Variants in CIITA observed in about 807,000 individuals in gnomAD.
CIITA encodes class II major histocompatibility complex transactivator, also known as MHC class II transactivator.
In CIITA, 72 loss-of-function variants were observed where a neutral mutation model predicts 115.1. That is an observed-to-expected ratio of 0.63 (90% confidence interval 0.52 to 0.76). CIITA has a LOEUF of 0.76. Ranked by LOEUF, CIITA falls within the 30% of genes least tolerant of loss-of-function variation. The pLI is 0.00. For missense variants in CIITA, 1,617 were observed against 1,463.8 expected (o/e 1.10, Z -1.71); for synonymous variants, 763 against 635.6 (o/e 1.20, Z -3.02).
chr16:10,907,339 C>A lies in CIITA; in HGVS notation c.1847C>A (p.Ala616Glu), dbSNP rs867155488. Residue 616 changes from alanine to glutamate, a missense_variant, in exon 11 of 20, where the codon GCA (alanine) becomes GAA (glutamate). By Grantham distance (107) the Ala-to-Glu change is moderately radical (BLOSUM62 -1). Transcript: ENST00000324288. The surrounding 1 kb of genome is among the most constrained non-coding windows in gnomAD (Gnocchi z 5.0). ...SHSHSPTLCR[A>E]VCQLSEALLE... ...AGCCACAGCCCTACTTTGTGCCGGGCAGTGTGCCAGCTCTCAGAGGCCCTG... is the reference window on the plus strand; with the variant it reads ...AGCCACAGCCCTACTTTGTGCCGGGAAGTGTGCCAGCTCTCAGAGGCCCTG... 2 of 1,613,572 alleles carry A rather than the reference C, an allele frequency of 1.2e-6. No individual in the cohort carries two copies. The highest frequency in any genetic ancestry group is 2.7e-5 in the African/African-American group (2 of 75,046).
At chr16:10,872,211 C>T (rs1336789815), upstream of CIITA, among the ~76,000 whole-genome samples, 3 of 152,024 alleles carry the variant, frequency 2.0e-5, no homozygotes, top group African/African-American at 7.3e-5. Context: ...TAACCTCTGC[C>T]TCCCAGATTC....
intron 1 of CIITA, among the ~76,000 whole-genome samples, chr16:10,878,323 C>G: frequency 6.6e-6 from 1 of 152,196 alleles, no homozygotes; most frequent in East Asian, 1.9e-4. Flanking sequence ...TCAGAGGTAA[C>G]CTTGCCCCCT....
At chr16:10,916,287 G>A in intron 14 of CIITA, 80 bp from the exon 15 acceptor site, 1 of 1,346,624 alleles carries the variant, frequency 7.4e-7, no homozygotes, top group South Asian at 1.2e-5. Flanking sequence ...TGCCAGGGCT[G>A]AGGAGGCCCT....
rs376000444 is a variant in CIITA at position 10,906,878 on chromosome 16, C to A, written c.1386C>A (p.Ala462=). The A allele has an allele frequency of 6.2e-7, 1 of 1,613,368 alleles. No individual in the cohort carries two copies. The highest frequency in any genetic ancestry group is 1.3e-5 in the African/African-American group (1 of 74,916). The change falls in exon 11 of 20, where the codon GCC becomes GCA. Residue 462 remains alanine (A), a synonymous_variant. Coordinates refer to ENST00000324288, the MANE Select transcript of CIITA (RefSeq NM_000246.4). ...PCHCLNRPGD[A]YGLQDLLFSL... is the part of the protein sequence containing the mutation. ...ATTGCTTGAACCGTCCGGGGGATGC[C>A]TATGGCCTGCAGGATCTGCTCTTCT...
chr16:10,897,255 G>A (rs2038224134), intron 3 of CIITA, among the ~76,000 whole-genome samples: 1 of 152,246 alleles, frequency 6.6e-6, no homozygotes, highest in African/African-American at 2.4e-5. Context: ...AGGACTCTCT[G>A]CAGAGTCCCA....
At position 10,935,929 on chromosome 16, in the gene CIITA, G is replaced by A. The variant is rs1221236189; in HGVS notation, c.*12074G>A. 1 of 152,060 alleles carries A rather than the reference G, an allele frequency of 6.6e-6. No individual in the cohort carries two copies. Among genetic ancestry groups the A allele is most frequent in the Non-Finnish European group, 1.5e-5 (1 of 68,014 alleles). The allele number at this position is 152,060 out of a possible 1,614,324, so 9.4% of individuals were successfully genotyped here. A position where few individuals can be genotyped will look rare whatever the true frequency, so the allele number is the denominator to read the frequency against. ...CGAGATTAATGCAAAAGCTGATCTG[G>A]GATTGCATCTTGGACCTCAACTCTC... On this transcript the variant is annotated 3_prime_UTR_variant, in exon 20 of 20. Transcript: ENST00000324288.
At position 10,909,201 on chromosome 16, in the gene CIITA, CG is replaced by C; in HGVS notation, c.2816+16del. The C allele has an allele frequency of 6.2e-7, 1 of 1,613,726 alleles. No individual in the cohort carries two copies. On this transcript the variant is annotated intron_variant, in intron 12 of 19. Transcript: ENST00000324288. The stretch of plus-strand genomic sequence containing the variant: ...GCAGACTCAGAGGTGAGAGGAGAGG[CG>C]GATGGGAGGTGGTTCACGCCATGCA...
rs1246840310 is a variant in CIITA, at chr16:10,907,539, G to A, written c.2047G>A (p.Ala683Thr). 8 of 1,613,988 alleles carry A rather than the reference G, an allele frequency of 5.0e-6. No homozygotes were observed. Among genetic ancestry groups the A allele is most frequent in the Non-Finnish European group, 6.8e-6 (8 of 1,180,036 alleles). Residue 683 changes from alanine (A) to threonine (T), a missense_variant, in exon 11 of 20, where the codon GCA (alanine) becomes ACA (threonine). By Grantham distance (58) the Ala-to-Thr change is moderately conservative. Coordinates refer to ENST00000324288, the MANE Select transcript of CIITA (RefSeq NM_000246.4). The surrounding 1 kb of genome is among the most constrained non-coding windows in gnomAD (Gnocchi z 5.0). ...CCTACAGGAGGACCAGTTCCCATCCGCAGACGTGAGGACCTGGGCGATGGC... is the reference window on the plus strand; with the variant it reads ...CCTACAGGAGGACCAGTTCCCATCCACAGACGTGAGGACCTGGGCGATGGC... ...STLQEDQFPS[A>T]DVRTWAMAKG...
intron 5 of CIITA, 130 bp downstream of exon 5, chr16:10,899,132 C>A (rs1251278861): frequency 2.5e-6 from 2 of 797,636 alleles, no homozygotes; most frequent in African/African-American, 3.4e-5. Flanking sequence ...CCTTTAAAAG[C>A]CAACAGGAGC....
chr16:10,909,444 T>G (rs1353566975), intron 12 of CIITA, among the ~76,000 whole-genome samples: 2 of 152,218 alleles, frequency 1.3e-5, no homozygotes. Context: ...GGAGAACCTC[T>G]CCCCTTCTAG....
rs1177179066 is a variant in CIITA, at chr16:10,935,703, T to A, written c.*11848T>A. ...GGGACAGATGGCATGTGCCTCTCGA[T>A]AAGATGCACTGAAGACACACACTCA... On this transcript the variant is annotated 3_prime_UTR_variant, in exon 20 of 20. Coordinates refer to ENST00000324288, the MANE Select transcript of CIITA (RefSeq NM_000246.4). 6.6e-6 allele frequency: 1 copy of A among 152,238 alleles called. No homozygotes were observed. 9.4% of individuals were successfully genotyped at this position (152,238 alleles called of 1,614,324 possible).
At chr16:10,876,478 A>G (rs7404116), upstream of CIITA, among the ~76,000 whole-genome samples, 148,299 of 152,340 alleles carry the variant, frequency 0.97, 72,309 homozygotes, top group East Asian at 1. Context: ...TCTATAAAAC[A>G]GAGTGATCAT....
In CIITA at chr16:10,931,255, T is replaced by A. The variant is rs1279201163; in HGVS notation, c.*7400T>A. The stretch of plus-strand genomic sequence containing the variant: ...TGAGCCCAGCAGTTCAAGGCTGCAG[T>A]GAACTATGACTGTGCCCCTGCACCC... On this transcript the variant is annotated 3_prime_UTR_variant, in exon 20 of 20. Transcript: ENST00000324288. 1 of 152,262 alleles carries A rather than the reference T, an allele frequency of 6.6e-6. No homozygotes were observed. The highest frequency in any genetic ancestry group is 2.4e-5 in the African/African-American group (1 of 41,408). 9.4% of individuals were successfully genotyped at this position (152,262 alleles called of 1,614,324 possible).
chr16:10,876,151 C>T (rs1220167813), upstream of CIITA, among the ~76,000 whole-genome samples: 4 of 151,548 alleles, frequency 2.6e-5, no homozygotes, highest in African/African-American at 7.3e-5. Flanking sequence ...AGTGAAACTC[C>T]GTCTAAAAAA....
Position 10,942,096 on chromosome 16 carries a change from C to A in CIITA, n.1222C>A, listed in dbSNP as rs1254999645. ...GCCGGCGAGGGCACAGCGCAGCCAT[C>A]CAGGGGTACCCTGGAGCCCGACAGA... On this transcript the variant is annotated non_coding_transcript_exon_variant, in exon 2 of 2. Transcript: ENST00000573379. This position sits in a 1 kb window ranked among gnomAD's most constrained non-coding sequence, Gnocchi z 5.0. 2.9e-5 allele frequency: 31 copies of A among 1,065,982 alleles called. No individual in the cohort carries two copies. In the East Asian group the frequency reaches 1.1e-3, roughly 37 times the overall value. 66.0% of individuals were successfully genotyped at this position (1,065,982 alleles called of 1,614,324 possible). A position where few individuals can be genotyped will look rare whatever the true frequency, so the allele number is the denominator to read the frequency against.
chr16:10,918,401 G>A (rs1441430054), intron 15 of CIITA, 39 bp from the exon 16 acceptor site: 1 of 1,571,124 alleles, frequency 6.4e-7, no homozygotes, highest in African/African-American at 1.3e-5. Context: ...AGGCATGCAA[G>A]TTTGGTCCTG....
chr16:10,908,218 C>T (rs1401651185), intron 11 of CIITA, 69 bp downstream of exon 11: 6 of 1,525,830 alleles, frequency 3.9e-6, no homozygotes, highest in Non-Finnish European at 5.3e-6. Flanking sequence ...GTGCCAAGCC[C>T]AGTGCTCTGT....
upstream of CIITA, among the ~76,000 whole-genome samples, chr16:10,874,085 G>A (rs2035668113): frequency 6.6e-6 from 1 of 152,070 alleles, no homozygotes; most frequent in South Asian, 2.1e-4. Flanking sequence ...CCAGGTTCAA[G>A]CAATTCTCCT....
chr16:10,902,040 G>A lies in CIITA; in HGVS notation c.484G>A (p.Glu162Lys), dbSNP rs368188386. 1.2e-5 allele frequency: 19 copies of A among 1,614,042 alleles called. No homozygotes were observed. Among genetic ancestry groups the A allele is most frequent in the African/African-American group, 6.7e-5 (5 of 75,040 alleles). ...TAACACAGCCCACTTCCTCACAGCT[G>A]AGCCCCCCACTGTGGTGACTGGCAG... ...PADLKHWKPA[E>K]PPTVVTGSLL... Residue 162 changes from glutamate (E) to lysine (K), a missense_variant and splice_region_variant, in exon 7 of 20, where the codon GAG becomes AAG. Transcript: ENST00000324288.
Sources: allele counts gnomAD v4.1 joint callset (sites outside exome capture counted in the v4.1 genomes callset), GRCh38; gene constraint gnomAD v4.1.1; non-coding constraint Gnocchi (gnomAD v3.1); transcripts MANE v1.5; gene names NCBI Gene and HGNC (gene_info 2026-07-23, HGNC 2026-07-21).